TIAM2: variants seen among roughly 807,000 people sequenced by gnomAD.
The protein encoded by TIAM2 is rho guanine nucleotide exchange factor TIAM2.
TIAM2 carries 80 observed loss-of-function variants against 152.9 expected under a neutral mutation model. That is an observed-to-expected ratio of 0.52 (90% CI 0.44 to 0.63). The LOEUF is 0.63. Among genes scored for constraint, TIAM2 ranks in the 30% least tolerant of loss-of-function variants. The pLI is 0.00. For missense variants in TIAM2, 1,965 were observed against 2,120.1 expected (o/e 0.93, Z 1.44); for synonymous variants, 804 against 838.0 (o/e 0.96, Z 0.70).
At chr6:155,192,677 A>T (rs1781235339) in intron 14 of TIAM2, among the ~76,000 whole-genome samples, 1 of 151,860 alleles carries the variant, frequency 6.6e-6, no homozygotes, top group Non-Finnish European at 1.5e-5. Context: ...CTTATTTTAC[A>T]TTTTTGCAAA....
rs762889566 is a variant in TIAM2, at chr6:155,240,612, A to C, written c.3251A>C (p.Asp1084Ala). ...NGMEGPRENQ[D>A]PPPRSLARHL... is the part of the protein sequence containing the mutation. ...ATGGAAGGACCGCGGGAGAATCAGG[A>C]TCCTCCTCCGAGGTCTCTGGCCCGC... Residue 1084 changes from aspartate (D) to alanine (A), a missense_variant, in exon 16 of 27, where the codon GAT becomes GCT. By Grantham distance (126) the Asp-to-Ala change is moderately radical. Transcript: ENST00000682666. 6.2e-7 allele frequency: 1 copy of C among 1,614,036 alleles called. No individual in the cohort carries two copies. The highest frequency in any genetic ancestry group is 1.3e-5 in the African/African-American group (1 of 74,940).
intron 9 of TIAM2, 111 bp from the exon 10 acceptor site, chr6:155,176,705 C>T (rs76293244): frequency 0.077 from 85,687 of 1,112,532 alleles, 3,972 homozygotes; most frequent in Non-Finnish European, 0.093. Flanking sequence ...TGATGTGAAG[C>T]GTGTGAGCGT....
chr6:155,256,821 C>G lies in TIAM2; in HGVS notation c.4806C>G (p.Asp1602Glu). 1 of 1,614,156 alleles carries G rather than the reference C, an allele frequency of 6.2e-7. No homozygotes were observed. Residue 1602 changes from aspartate (D) to glutamate (E), a missense_variant, in exon 27 of 27, where the codon GAC becomes GAG. This residue lies in a region of TIAM2 where 935 missense variants were observed against 980.0 expected (regional missense o/e 0.95). Coordinates refer to ENST00000682666, the MANE Select transcript of TIAM2 (RefSeq NM_012454.4). ...GACTGAGGATTTCCGAGGACCCAGA[C>G]GTTCACCCCGAGGCTGAGCAGCAGC... The part of the protein sequence containing the change: ...FQRLRISEDP[D>E]VHPEAEQQPG...
intron 1 of TIAM2, among the ~76,000 whole-genome samples, chr6:155,081,182 G>A (rs1274571858): frequency 1.3e-5 from 2 of 152,148 alleles, no homozygotes; most frequent in Non-Finnish European, 2.9e-5. Context: ...TAGCATTAGA[G>A]CCTTTGAGAA....
At chr6:155,139,164 C>T (rs1198162359) in intron 5 of TIAM2, among the ~76,000 whole-genome samples, 5 of 152,198 alleles carry the variant, frequency 3.3e-5, no homozygotes, top group Non-Finnish European at 5.9e-5. Context: ...TGTGCAATGT[C>T]CAGTGCCCTC....
intron 12 of TIAM2, among the ~76,000 whole-genome samples, chr6:155,180,395 C>T (rs1284126962): frequency 6.6e-6 from 1 of 152,124 alleles, no homozygotes; most frequent in East Asian, 1.9e-4. Context: ...TAAATACTTC[C>T]ATAGAAACAC....
chr6:154,996,788 A>G (rs1449793619), intron 1 of TIAM2, among the ~76,000 whole-genome samples: 1 of 152,194 alleles, frequency 6.6e-6, no homozygotes, highest in Non-Finnish European at 1.5e-5. Flanking sequence ...TAGTATCATG[A>G]TTGGTGCAGT....
chr6:155,020,325 A>G (rs943017363), intron 1 of TIAM2, among the ~76,000 whole-genome samples: 5 of 152,216 alleles, frequency 3.3e-5, no homozygotes, highest in Non-Finnish European at 7.3e-5. Context: ...GTCAGGGGGA[A>G]CTTCTGAAAG....
At chr6:155,210,066 A>G (rs999474919) in intron 14 of TIAM2, among the ~76,000 whole-genome samples, 6 of 152,310 alleles carry the variant, frequency 3.9e-5, no homozygotes, top group African/African-American at 1.4e-4. Context: ...GGGACATTCT[A>G]TCAAATACAA....
intron 1 of TIAM2, among the ~76,000 whole-genome samples, chr6:155,058,282 A>G (rs751297971): frequency 6.6e-6 from 1 of 152,312 alleles, no homozygotes; most frequent in Admixed American, 6.5e-5. Context: ...GTGAGTGTCA[A>G]GTGGCTCCAT....
chr6:155,125,795 GC>G (rs1779280978), intron 2 of TIAM2, among the ~76,000 whole-genome samples: 1 of 151,404 alleles, frequency 6.6e-6, no homozygotes, highest in African/African-American at 2.4e-5. Flanking sequence ...CCGAGATTGT[GC>G]CACTGCACTC....
intron 1 of TIAM2, among the ~76,000 whole-genome samples, chr6:155,050,765 T>A (rs942429540): frequency 6.6e-6 from 1 of 152,174 alleles, no homozygotes; most frequent in African/African-American, 2.4e-5. Flanking sequence ...GCTTTTACAG[T>A]GGTGTCTTTT....
intron 4 of TIAM2, 62 bp downstream of exon 4, chr6:155,130,479 G>C (rs944090588): frequency 6.8e-7 from 1 of 1,477,450 alleles, no homozygotes; most frequent in Non-Finnish European, 9.2e-7. Context: ...AGAAGGGGAA[G>C]GTTAGTAGAA....
Position 155,144,661 on chromosome 6 carries a change from T to G in TIAM2, c.1686T>G (p.Ser562Arg), listed in dbSNP as rs1208410019. The change falls in exon 6 of 27, where the codon AGT (serine) becomes AGG (arginine). Residue 562 changes from serine (S) to arginine (R), a missense_variant. Ser to Arg is a moderately radical substitution (Grantham distance 110). This residue lies in a region of TIAM2 where 1,025 missense variants were observed against 1,119.4 expected (regional missense o/e 0.92). Transcript: ENST00000682666. ...GGAAGAATTCCATGGATCAGAGCAG[T>G]GCCCCTCGGTGTGCTCTGTTTGCAG... Reference protein sequence around the residue: ...TYGKNSMDQSSAPRCALFAED... With the variant: ...TYGKNSMDQSRAPRCALFAED... 32 of 1,602,716 alleles carry G rather than the reference T, an allele frequency of 2.0e-5. No homozygotes were observed. Among genetic ancestry groups the G allele is most frequent in the Non-Finnish European group, 2.6e-5 (30 of 1,175,996 alleles).
chr6:155,195,475 G>A (rs748677595), intron 14 of TIAM2, among the ~76,000 whole-genome samples: 6 of 152,208 alleles, frequency 3.9e-5, no homozygotes, highest in Non-Finnish European at 7.3e-5. Context: ...GTTACTGCCT[G>A]TTGTGTCAGG....
At chr6:155,243,609 G>A (rs918774695) in intron 16 of TIAM2, among the ~76,000 whole-genome samples, 1 of 152,112 alleles carries the variant, frequency 6.6e-6, no homozygotes, top group Non-Finnish European at 1.5e-5. Flanking sequence ...CACTTTGGGA[G>A]GCCAAGGCAG....
Position 155,129,995 on chromosome 6 carries a change from G to A in TIAM2, c.772G>A (p.Gly258Arg), listed in dbSNP as rs1381946215. ...GTACGACTCCCCTTGGGGCAATGCT[G>A]GAGAGCTGAGCGAGGCTGAGGGCTC... ...SWYDSPWGNA[G>R]ELSEAEGSFL... Residue 258 changes from glycine to arginine, a missense_variant, in exon 4 of 27, where the codon GGA (glycine) becomes AGA (arginine). Physicochemically the swap from Gly to Arg is moderately radical, Grantham distance 125. Coordinates refer to ENST00000682666, the MANE Select transcript of TIAM2 (RefSeq NM_012454.4). The surrounding 1 kb of genome is among the most constrained non-coding windows in gnomAD (Gnocchi z 4.8). 1 of 1,614,128 alleles carries A rather than the reference G, an allele frequency of 6.2e-7. No homozygotes were observed. Among genetic ancestry groups the A allele is most frequent in the South Asian group, 1.1e-5 (1 of 91,082 alleles).
intron 14 of TIAM2, among the ~76,000 whole-genome samples, chr6:155,194,708 A>G (rs1328284686): frequency 6.6e-6 from 1 of 152,246 alleles, no homozygotes; most frequent in Non-Finnish European, 1.5e-5. Context: ...AAGACTCAGA[A>G]TATGAGAAAG....
intron 1 of TIAM2, among the ~76,000 whole-genome samples, chr6:155,082,465 A>G (rs963760227): frequency 9.9e-5 from 15 of 152,082 alleles, no homozygotes; most frequent in African/African-American, 3.4e-4. Context: ...AGCTGGACCA[A>G]CATGGAGAAA....
Sources: allele counts gnomAD v4.1 joint callset (sites outside exome capture counted in the v4.1 genomes callset), GRCh38; gene constraint gnomAD v4.1.1; regional missense constraint gnomAD v4.1.1; non-coding constraint Gnocchi (gnomAD v3.1); transcripts MANE v1.5; gene names NCBI Gene and HGNC (gene_info 2026-07-23, HGNC 2026-07-21).